Variants in ENAH observed in about 807,000 individuals in gnomAD.
ENAH encodes ENAH actin regulator, also known as protein enabled homolog.
ENAH carries 23 observed loss-of-function variants against 78.7 expected under a neutral mutation model. That is an observed-to-expected ratio of 0.29 (90% CI 0.21 to 0.41). The LOEUF (loss-of-function observed/expected upper bound fraction) is 0.41. Ranked by LOEUF, ENAH falls within the 10% of genes least tolerant of loss-of-function variation. The probability of loss-of-function intolerance (pLI) is 1.00; values close to 1 mark genes in which losing one functional copy is unlikely to be tolerated. For synonymous variants in ENAH, 226 were observed against 241.0 expected (o/e 0.94, Z 0.58); for missense variants, 544 against 691.0 (o/e 0.79, Z 2.39).
At chr1:225,635,631 T>C (rs919894237) in intron 1 of ENAH, among the ~76,000 whole-genome samples, 1 of 152,222 alleles carries the variant, frequency 6.6e-6, no homozygotes, top group Non-Finnish European at 1.5e-5. Context: ...GTTGAAGTCC[T>C]AACCCTCAGT....
chr1:225,591,622 A>C (rs1392072480), intron 1 of ENAH, among the ~76,000 whole-genome samples: 1 of 151,034 alleles, frequency 6.6e-6, no homozygotes. Flanking sequence ...AAAATTAGCC[A>C]GGCATGATGG....
intron 1 of ENAH, among the ~76,000 whole-genome samples, chr1:225,631,408 A>AT (rs201497013): frequency 5.3e-5 from 8 of 150,874 alleles, no homozygotes; most frequent in South Asian, 2.1e-4. Flanking sequence ...TGTCTCTACT[A>AT]TAAAAAAAAA....
At chr1:225,631,404 T>A (rs1006335188) in intron 1 of ENAH, among the ~76,000 whole-genome samples, 1 of 150,386 alleles carries the variant, frequency 6.6e-6, no homozygotes, top group Non-Finnish European at 1.5e-5. Context: ...AAACTGTCTC[T>A]ACTATAAAAA....
At chr1:225,636,496 TA>T (rs542190573) in intron 1 of ENAH, among the ~76,000 whole-genome samples, 280 of 152,300 alleles carry the variant, frequency 1.8e-3, no homozygotes, top group African/African-American at 6.6e-3. Context: ...ATGTACAATA[TA>T]AAATTGTTTA....
chr1:225,558,294 A>C (rs2096678418), intron 2 of ENAH, among the ~76,000 whole-genome samples: 1 of 152,192 alleles, frequency 6.6e-6, no homozygotes. Flanking sequence ...AAAGTACGTA[A>C]TACTGGTGTT....
intron 5 of ENAH, among the ~76,000 whole-genome samples, chr1:225,518,360 TG>T (rs561017380): frequency 5.8e-4 from 89 of 152,322 alleles, no homozygotes; most frequent in African/African-American, 2.1e-3. Flanking sequence ...TAAATTTAGT[TG>T]TTTTTTTAAA....
chr1:225,581,359 T>A, intron 1 of ENAH: 2 of 903,374 alleles, frequency 2.2e-6, no homozygotes, highest in Non-Finnish European at 1.3e-6. Context: ...CAAGTGTGGC[T>A]AATTTTAGCT....
At chr1:225,524,900 T>C (rs1476013975) in intron 4 of ENAH, among the ~76,000 whole-genome samples, 1 of 152,182 alleles carries the variant, frequency 6.6e-6, no homozygotes, top group African/African-American at 2.4e-5. Context: ...ATAAATGATA[T>C]AATAATAAAG....
intron 5 of ENAH, chr1:225,517,843 A>C: frequency 6.4e-7 from 1 of 1,551,456 alleles, no homozygotes; most frequent in Non-Finnish European, 8.7e-7. Context: ...AGTAGGTGGC[A>C]AAGCAGTCAC....
At chr1:225,501,255 C>T (rs1427605767) in intron 11 of ENAH, 185 bp from the exon 12 acceptor site, 1 of 485,788 alleles carries the variant, frequency 2.1e-6, no homozygotes, top group Non-Finnish European at 3.7e-6. Flanking sequence ...TTTCACTTTT[C>T]TCAGTATTTC....
intron 10 of ENAH, 83 bp from the exon 11 acceptor site, chr1:225,508,100 C>T: frequency 1.2e-6 from 1 of 818,174 alleles, no homozygotes; most frequent in Non-Finnish European, 1.8e-6. Context: ...TACTAAATCT[C>T]ATTATACCTG....
intron 1 of ENAH, among the ~76,000 whole-genome samples, chr1:225,631,092 C>T (rs1658934010): frequency 6.6e-6 from 1 of 152,174 alleles, no homozygotes; most frequent in African/African-American, 2.4e-5. Context: ...CCCCAAACCA[C>T]TTCTCTCAGA....
chr1:225,641,328 AC>A lies in ENAH; in HGVS notation c.5+11357del, dbSNP rs1046850437. On this transcript the variant is annotated intron_variant, in intron 1 of 13. Coordinates refer to ENST00000366843, the MANE Select transcript of ENAH (RefSeq NM_018212.6). ...CTTCTAAACATGTTTTTTTAAAGGT[AC>A]CATGTCGAACCCATTAAACTAGAAA... is the stretch of plus-strand genomic sequence containing the variant. 1.5e-4 allele frequency among the ~76,000 whole-genome samples: 23 copies of A among 149,576 alleles called. 1 individual carries two copies. Among genetic ancestry groups the A allele is most frequent in the African/African-American group, 5.6e-4 (23 of 40,838 alleles).
intron 1 of ENAH, among the ~76,000 whole-genome samples, chr1:225,642,488 G>T (rs1188616810): frequency 6.6e-6 from 1 of 152,092 alleles, no homozygotes; most frequent in Non-Finnish European, 1.5e-5. Flanking sequence ...CCTAAGTGAA[G>T]GAAAACACAC....
intron 1 of ENAH, among the ~76,000 whole-genome samples, chr1:225,613,422 A>G (rs1050649963): frequency 1.3e-5 from 2 of 152,232 alleles, no homozygotes; most frequent in African/African-American, 4.8e-5. Flanking sequence ...AGGGCAGAGA[A>G]CAGTGCCTGG....
chr1:225,569,298 C>T (rs2096748997), intron 1 of ENAH, among the ~76,000 whole-genome samples: 2 of 152,160 alleles, frequency 1.3e-5, no homozygotes, highest in South Asian at 4.1e-4. Context: ...TTCTAAGATT[C>T]CCAAGATTCA....
chr1:225,515,661 T>C (rs2096411631), intron 6 of ENAH, among the ~76,000 whole-genome samples: 1 of 152,212 alleles, frequency 6.6e-6, no homozygotes, highest in African/African-American at 2.4e-5. Flanking sequence ...CCTGAAACAG[T>C]AGGTGCTCTT....
intron 1 of ENAH, among the ~76,000 whole-genome samples, chr1:225,589,794 CAT>C (rs1276085346): frequency 2.0e-5 from 3 of 151,990 alleles, no homozygotes; most frequent in African/African-American, 7.3e-5. Context: ...TGTGGGTATA[CAT>C]ATGTTAACAG....
rs190903163 is a variant in ENAH at position 225,492,581 on chromosome 1, G to C, written c.*5194C>G. ...CTTCACAGAACGGGGGTGCAGCTCA[G>C]TGACTGTGATTCTTTGGTTCAAACA... On this transcript the variant is annotated 3_prime_UTR_variant, in exon 14 of 14. Transcript: ENST00000366843. 5 of 152,282 alleles carry C rather than the reference G, an allele frequency of 3.3e-5. No homozygotes were observed. The East Asian group carries it at 9.6e-4, about 29-fold the overall frequency. 9.4% of individuals were successfully genotyped at this position (152,282 alleles called of 1,614,324 possible). A position where few individuals can be genotyped will look rare whatever the true frequency, so the allele number is the denominator to read the frequency against.
Sources: allele counts gnomAD v4.1 joint callset (sites outside exome capture counted in the v4.1 genomes callset), GRCh38; gene constraint gnomAD v4.1.1; transcripts MANE v1.5; gene names NCBI Gene and HGNC (gene_info 2026-07-23, HGNC 2026-07-21).